Variants in ENOX1 observed in about 807,000 individuals in gnomAD.
The protein encoded by ENOX1 is candidate growth-related and time keeping constitutive hydroquinone (NADH) oxidase.
A neutral mutation model predicts 82.5 loss-of-function variants in ENOX1; 42 were observed. The ratio of observed to expected loss-of-function variants is 0.51; its 90% CI spans 0.40 to 0.66. ENOX1 has a LOEUF of 0.66. Ranked by LOEUF, ENOX1 falls within the 30% of genes least tolerant of loss-of-function variation. The probability of loss-of-function intolerance (pLI) is 0.00; values close to 1 mark genes in which losing one functional copy is unlikely to be tolerated. For synonymous variants in ENOX1, 271 were observed against 282.2 expected (o/e 0.96, Z 0.40); for missense variants, 608 against 811.6 (o/e 0.75, Z 3.05).
At chr13:43,316,495 C>G (rs189055993) in intron 11 of ENOX1, among the ~76,000 whole-genome samples, 2 of 152,236 alleles carry the variant, frequency 1.3e-5, no homozygotes, top group East Asian at 3.9e-4. Context: ...ACAGTTTAGG[C>G]TCCAAGTGTG....
chr13:43,518,472 G>A (rs2077640630), intron 2 of ENOX1, among the ~76,000 whole-genome samples: 1 of 151,982 alleles, frequency 6.6e-6, no homozygotes, highest in African/African-American at 2.4e-5. Context: ...GAGCTCAGGG[G>A]AGGCAGATGC....
intron 5 of ENOX1, among the ~76,000 whole-genome samples, chr13:43,390,756 T>G (rs1180358325): frequency 2.0e-5 from 3 of 152,218 alleles, no homozygotes; most frequent in Non-Finnish European, 4.4e-5. Flanking sequence ...TCTGCCTGAC[T>G]TCTAGACAAA....
chr13:43,401,089 G>A (rs182999513), intron 5 of ENOX1, among the ~76,000 whole-genome samples: 5 of 152,148 alleles, frequency 3.3e-5, no homozygotes, highest in Non-Finnish European at 7.4e-5. Flanking sequence ...TAGAGTATTT[G>A]GCACATATTA....
At chr13:43,500,925 G>A (rs1186822265) in intron 2 of ENOX1, among the ~76,000 whole-genome samples, 1 of 151,484 alleles carries the variant, frequency 6.6e-6, no homozygotes, top group Non-Finnish European at 1.5e-5. Context: ...AAGTATAGTA[G>A]ATACAAAAGA....
At chr13:43,640,613 T>C (rs1423478239) in intron 2 of ENOX1, among the ~76,000 whole-genome samples, 2 of 152,144 alleles carry the variant, frequency 1.3e-5, no homozygotes, top group African/African-American at 4.8e-5. Flanking sequence ...CAAATTTTGT[T>C]ATATAATCCT....
chr13:43,347,608 T>C (rs192716886), intron 8 of ENOX1, among the ~76,000 whole-genome samples: 4 of 152,230 alleles, frequency 2.6e-5, no homozygotes, highest in African/African-American at 9.6e-5. Flanking sequence ...TCATTTTCAA[T>C]ACTCAACTGT....
At chr13:43,603,067 T>G (rs1277236406) in intron 2 of ENOX1, among the ~76,000 whole-genome samples, 1 of 152,158 alleles carries the variant, frequency 6.6e-6, no homozygotes. Context: ...TGTTGAATAT[T>G]ATAATGAAGA....
intron 9 of ENOX1, among the ~76,000 whole-genome samples, chr13:43,337,248 C>G (rs190485386): frequency 4.1e-4 from 63 of 152,210 alleles, no homozygotes; most frequent in Admixed American, 1.4e-3. Flanking sequence ...CTTAGGTCTT[C>G]TATGTGCTTA....
At position 43,652,038 on chromosome 13, in the gene ENOX1, G is replaced by A. The variant is rs186954257; in HGVS notation, c.-219+15441C>T. The stretch of plus-strand genomic sequence containing the variant: ...TGATTGTTATATCTATTCTGTAAGT[G>A]AAGGCCTCTATAAGCCTATAAAGTA... On this transcript the variant is annotated intron_variant, in intron 2 of 16. Transcript: ENST00000690772. Among the ~76,000 whole-genome samples, 16 of 150,636 alleles carry A rather than the reference G, an allele frequency of 1.1e-4. No homozygotes were observed. In the East Asian group the frequency reaches 2.9e-3, roughly 28 times the overall value.
intron 3 of ENOX1, among the ~76,000 whole-genome samples, chr13:43,431,494 T>A (rs770708825): frequency 1.3e-5 from 2 of 152,174 alleles, no homozygotes; most frequent in Non-Finnish European, 2.9e-5. Flanking sequence ...TAGGATTTCT[T>A]GGCATCTGAG....
intron 2 of ENOX1, among the ~76,000 whole-genome samples, chr13:43,570,099 T>C (rs2080111663): frequency 6.6e-6 from 1 of 152,092 alleles, no homozygotes; most frequent in Non-Finnish European, 1.5e-5. Context: ...AGATTTTCCA[T>C]TAGGGAGAAA....
At chr13:43,436,923 A>C (rs1419899943) in intron 3 of ENOX1, among the ~76,000 whole-genome samples, 1 of 152,176 alleles carries the variant, frequency 6.6e-6, no homozygotes, top group African/African-American at 2.4e-5. Flanking sequence ...TATGGCTTAC[A>C]ATAATTTCTC....
chr13:43,479,207 C>T (rs969551282), intron 3 of ENOX1, among the ~76,000 whole-genome samples: 1 of 152,100 alleles, frequency 6.6e-6, no homozygotes, highest in Non-Finnish European at 1.5e-5. Context: ...AGGGAGAGAG[C>T]AGTTAGGCTG....
At chr13:43,604,639 G>A (rs374811994) in intron 2 of ENOX1, among the ~76,000 whole-genome samples, 1 of 152,210 alleles carries the variant, frequency 6.6e-6, no homozygotes. Flanking sequence ...ATTTGCCTAT[G>A]TTGAACTATC....
intron 5 of ENOX1, 101 bp downstream of exon 5, chr13:43,411,815 G>T: frequency 1.4e-6 from 2 of 1,448,610 alleles, no homozygotes; most frequent in Non-Finnish European, 1.9e-6. Context: ...ATAAATAAAA[G>T]ACTGTGTCCA....
chr13:43,346,185 G>C (rs2049367473), intron 8 of ENOX1, among the ~76,000 whole-genome samples: 1 of 152,172 alleles, frequency 6.6e-6, no homozygotes, highest in African/African-American at 2.4e-5. Context: ...CAGGAGTACA[G>C]CTTCCTTAGC....
chr13:43,752,340 T>C (rs1274272031), intron 1 of ENOX1, among the ~76,000 whole-genome samples: 1 of 152,198 alleles, frequency 6.6e-6, no homozygotes, highest in Non-Finnish European at 1.5e-5. Context: ...TATCTTTGCA[T>C]TCTCTTAGTA....
chr13:43,577,504 T>C (rs1483154810), intron 2 of ENOX1, among the ~76,000 whole-genome samples: 1 of 152,182 alleles, frequency 6.6e-6, no homozygotes, highest in African/African-American at 2.4e-5. Context: ...TGGCACCTTA[T>C]GGCTGTATTC....
intron 2 of ENOX1, among the ~76,000 whole-genome samples, chr13:43,528,070 G>A (rs1160317926): frequency 6.6e-6 from 1 of 152,028 alleles, no homozygotes; most frequent in African/African-American, 2.4e-5. Flanking sequence ...TCATTCACTT[G>A]TATGTAGAAA....
Sources: allele counts gnomAD v4.1 joint callset (sites outside exome capture counted in the v4.1 genomes callset), GRCh38; gene constraint gnomAD v4.1.1; transcripts MANE v1.5; gene names NCBI Gene and HGNC (gene_info 2026-07-23, HGNC 2026-07-21).